Variants in SLC9A9 observed in about 807,000 individuals in gnomAD.
SLC9A9 encodes the protein solute carrier family 9 member A9.
Under a neutral mutation model 77.8 loss-of-function variants are expected in SLC9A9, and 62 were observed. The ratio of observed to expected loss-of-function variants is 0.80; its 90% CI spans 0.65 to 0.98. The LOEUF (loss-of-function observed/expected upper bound fraction) is 0.98, where lower values mean the gene tolerates loss of function less well. Ranked by LOEUF, SLC9A9 falls within the 50% of genes least tolerant of loss-of-function variation. The pLI, the probability that SLC9A9 is intolerant of heterozygous loss-of-function variation, is 0.00. For synonymous variants in SLC9A9, 320 were observed against 283.5 expected, an observed-to-expected ratio of 1.13 and a Z score of -1.29; for missense variants, 775 against 774.9, an observed-to-expected ratio of 1.00 and a Z score of 0.00.
chr3:143,586,848 T>C (rs987206241), intron 6 of SLC9A9, among the ~76,000 whole-genome samples: 1 of 152,176 alleles, frequency 6.6e-6, no homozygotes, highest in African/African-American at 2.4e-5. Context: ...TTCTTAATAA[T>C]AAGAGGTCCT....
chr3:143,728,452 A>G (rs1934718314), intron 4 of SLC9A9, among the ~76,000 whole-genome samples: 1 of 152,160 alleles, frequency 6.6e-6, no homozygotes, highest in South Asian at 2.1e-4. Context: ...CTGGGATCTG[A>G]AAGGAAGTGG....
intron 2 of SLC9A9, among the ~76,000 whole-genome samples, chr3:143,799,691 G>A (rs201926290): frequency 2.6e-5 from 4 of 152,176 alleles, no homozygotes; most frequent in Non-Finnish European, 5.9e-5. Context: ...TCCCAGAGCC[G>A]CTGGAACTCT....
intron 14 of SLC9A9, among the ~76,000 whole-genome samples, chr3:143,326,833 C>T (rs1303575527): frequency 6.6e-6 from 1 of 152,196 alleles, no homozygotes; most frequent in Non-Finnish European, 1.5e-5. Flanking sequence ...CAGTGCCTGG[C>T]ACTTAGTAGG....
chr3:143,554,553 C>T (rs923923230), intron 8 of SLC9A9, among the ~76,000 whole-genome samples: 2 of 152,166 alleles, frequency 1.3e-5, no homozygotes, highest in African/African-American at 4.8e-5. Context: ...CGATAGCTTC[C>T]TAACTGGCCT....
intron 12 of SLC9A9, among the ~76,000 whole-genome samples, chr3:143,431,492 T>TA (rs2034515092): frequency 6.6e-6 from 1 of 150,922 alleles, no homozygotes; most frequent in Admixed American, 6.6e-5. Flanking sequence ...CACCTTTTTT[T>TA]TTTTTTTTGC....
intron 14 of SLC9A9, among the ~76,000 whole-genome samples, chr3:143,289,498 T>C (rs932307670): frequency 6.6e-6 from 1 of 152,116 alleles, no homozygotes; most frequent in African/African-American, 2.4e-5. Flanking sequence ...TTCTCCCAGA[T>C]CTGTTTCTCC....
At chr3:143,305,003 T>G (rs2030714012) in intron 14 of SLC9A9, among the ~76,000 whole-genome samples, 1 of 152,200 alleles carries the variant, frequency 6.6e-6, no homozygotes, top group Non-Finnish European at 1.5e-5. Flanking sequence ...TATATTCTGA[T>G]ATCTGAACGT....
At chr3:143,713,859 G>A (rs1019221864) in intron 4 of SLC9A9, among the ~76,000 whole-genome samples, 1 of 152,200 alleles carries the variant, frequency 6.6e-6, no homozygotes, top group African/African-American at 2.4e-5. Context: ...AGCAGAGACT[G>A]TAAGAGGAAG....
At chr3:143,790,407 T>G (rs2108854441) in intron 4 of SLC9A9, among the ~76,000 whole-genome samples, 1 of 152,338 alleles carries the variant, frequency 6.6e-6, no homozygotes, top group South Asian at 2.1e-4. Flanking sequence ...TCACAGCCAA[T>G]TCTGAAATAT....
At chr3:143,738,675 C>T (rs896743776) in intron 4 of SLC9A9, among the ~76,000 whole-genome samples, 1 of 152,104 alleles carries the variant, frequency 6.6e-6, no homozygotes. Context: ...ATTATAGATG[C>T]CAGTTCCAAG....
At chr3:143,538,436 C>T (rs772874637) in intron 9 of SLC9A9, among the ~76,000 whole-genome samples, 2 of 152,094 alleles carry the variant, frequency 1.3e-5, no homozygotes, top group Admixed American at 6.5e-5. Context: ...CAGGCAGTGT[C>T]GTAATAATGG....
intron 6 of SLC9A9, among the ~76,000 whole-genome samples, chr3:143,630,713 T>C (rs1487681680): frequency 2.6e-5 from 4 of 152,130 alleles, no homozygotes; most frequent in Non-Finnish European, 5.9e-5. Context: ...TTTGAAAAAA[T>C]TTAAAAAATA....
intron 6 of SLC9A9, among the ~76,000 whole-genome samples, chr3:143,579,540 G>A (rs1453974584): frequency 6.6e-6 from 1 of 152,106 alleles, no homozygotes; most frequent in South Asian, 2.1e-4. Context: ...ACTCCATATT[G>A]AGCATTAAAA....
At chr3:143,783,935 G>A (rs2007963897) in intron 4 of SLC9A9, among the ~76,000 whole-genome samples, 4 of 152,154 alleles carry the variant, frequency 2.6e-5, no homozygotes, top group Admixed American at 2.6e-4. Context: ...CCAATATCAA[G>A]CTTTCACCAT....
chr3:143,444,453 G>A (rs2034806489), intron 12 of SLC9A9, among the ~76,000 whole-genome samples: 1 of 152,170 alleles, frequency 6.6e-6, no homozygotes, highest in Non-Finnish European at 1.5e-5. Context: ...AACAAATGTG[G>A]TTCATGGAGT....
Position 143,483,571 on chromosome 3 carries a change from A to G in SLC9A9, c.1315+10082T>C, listed in dbSNP as rs139024525. On this transcript the variant is annotated intron_variant, in intron 11 of 15. Transcript: ENST00000316549. Reference sequence around the variant, plus strand: ...TTTGAGGCCTTTTTAAAGAAAAATAATACAAAATATCTTACTTATGCAAAC... The same window carrying G: ...TTTGAGGCCTTTTTAAAGAAAAATAGTACAAAATATCTTACTTATGCAAAC... 6.2e-4 allele frequency among the ~76,000 whole-genome samples: 94 copies of G among 152,336 alleles called. 1 individual carries two copies. Among genetic ancestry groups the G allele is most frequent in the African/African-American group, 2.2e-3 (91 of 41,584 alleles).
chr3:143,493,757 A>T lies in SLC9A9; in HGVS notation c.1211T>A (p.Ile404Asn), dbSNP rs767059595. Residue 404 changes from isoleucine (I) to asparagine (N), a missense_variant, in exon 11 of 16, where the codon ATT becomes AAT. Transcript: ENST00000316549. ...ALFILGAFLA[I>N]FVARACNIYP... ...TATGTTGCAGGCTCTGGCAACAAAA[A>T]TTGCTAGCTGTAGATAAGCACAGGG... 2.7e-5 allele frequency: 44 copies of T among 1,612,414 alleles called. No individual in the cohort carries two copies. In the African/African-American group the frequency reaches 5.3e-4, roughly 20 times the overall value.
chr3:143,532,619 C>A (rs1371539138), intron 9 of SLC9A9, among the ~76,000 whole-genome samples: 1 of 152,044 alleles, frequency 6.6e-6, no homozygotes, highest in Non-Finnish European at 1.5e-5. Context: ...AGGAAAAAAA[C>A]CCTCATTTTA....
At chr3:143,790,203 C>T (rs1217288747) in intron 4 of SLC9A9, among the ~76,000 whole-genome samples, 1 of 152,196 alleles carries the variant, frequency 6.6e-6, no homozygotes, top group Middle Eastern at 3.2e-3. Context: ...TGTAAGTTTC[C>T]TGAGGCCTCC....
Sources: allele counts gnomAD v4.1 joint callset (sites outside exome capture counted in the v4.1 genomes callset), GRCh38; gene constraint gnomAD v4.1.1; transcripts MANE v1.5; gene names NCBI Gene and HGNC (gene_info 2026-07-23, HGNC 2026-07-21).